The following UTRN variants were observed in gnomAD, a reference collection of about 807,000 sequenced individuals.
UTRN encodes dystrophin-related protein 1.
In UTRN, 283 loss-of-function variants were observed where a neutral mutation model predicts 463.9. The ratio of observed to expected loss-of-function variants is 0.61; its 90% CI spans 0.55 to 0.67. The LOEUF (loss-of-function observed/expected upper bound fraction) is 0.67, where lower values mean the gene tolerates loss of function less well. Among genes scored for constraint, UTRN ranks in the 30% least tolerant of loss-of-function variants. The pLI, the probability that UTRN is intolerant of heterozygous loss-of-function variation, is 0.00. For synonymous variants in UTRN, 1,442 were observed against 1,431.5 expected (o/e 1.01, Z -0.17); for missense variants, 3,922 against 4,084.3 (o/e 0.96, Z 1.08).
intron 54 of UTRN, among the ~76,000 whole-genome samples, chr6:144,742,924 A>G (rs1029522080): frequency 7.2e-5 from 11 of 152,324 alleles, no homozygotes; most frequent in Non-Finnish European, 1.2e-4. Context: ...CAAAAAAGCA[A>G]ATAGTATAAA....
intron 63 of UTRN, 33 bp downstream of exon 63, chr6:144,794,024 T>C (rs767272041): frequency 6.2e-7 from 1 of 1,608,282 alleles, no homozygotes; most frequent in South Asian, 1.1e-5. Context: ...GTGTAGGATG[T>C]GTTGGCGAAG....
intron 51 of UTRN, among the ~76,000 whole-genome samples, chr6:144,614,618 T>C (rs1181236391): frequency 6.6e-6 from 1 of 152,190 alleles, no homozygotes; most frequent in African/African-American, 2.4e-5. Flanking sequence ...AGGAGCTAGA[T>C]ATTCCCTGAA....
At chr6:144,473,015 C>G (rs1790826073) in intron 23 of UTRN, among the ~76,000 whole-genome samples, 1 of 152,074 alleles carries the variant, frequency 6.6e-6, no homozygotes, top group South Asian at 2.1e-4. Context: ...GATCCGTAGC[C>G]TGGGCCTCCT....
chr6:144,549,760 C>CAT, intron 47 of UTRN, among the ~76,000 whole-genome samples: 2 of 152,250 alleles, frequency 1.3e-5, no homozygotes, highest in East Asian at 3.9e-4. Flanking sequence ...TGAATAAAGT[C>CAT]ATGTGGTACA....
intron 57 of UTRN, 105 bp downstream of exon 57, chr6:144,754,903 G>C (rs1350869118): frequency 9.1e-7 from 1 of 1,099,864 alleles, no homozygotes; most frequent in Non-Finnish European, 1.3e-6. Context: ...TGTTTATTTA[G>C]ATAGATCCTT....
intron 61 of UTRN, among the ~76,000 whole-genome samples, chr6:144,788,934 T>A (rs543562478): frequency 5.9e-5 from 9 of 152,352 alleles, no homozygotes; most frequent in Admixed American, 5.9e-4. Context: ...TTTAGTTCGT[T>A]CTTCTTAGTT....
chr6:144,775,886 C>T (rs536816133), intron 60 of UTRN, among the ~76,000 whole-genome samples: 6 of 152,292 alleles, frequency 3.9e-5, no homozygotes, highest in African/African-American at 1.4e-4. Flanking sequence ...TCAGCTCTTC[C>T]CCTCAAACCT....
rs188329000 is a variant in UTRN, at chr6:144,387,332, G to C, written c.80-15791G>C. ...TAATTTTTGTATTTTTAGTAGAGAT[G>C]GTGTTTCACCATATTGTCCACTTCT... On this transcript the variant is annotated intron_variant, in intron 2 of 74. Coordinates refer to ENST00000367545, the MANE Select transcript of UTRN (RefSeq NM_007124.3). Among the ~76,000 whole-genome samples the C allele has an allele frequency of 3.6e-3, 553 of 152,028 alleles. 1 individual carries two copies. Among genetic ancestry groups the C allele is most frequent in the African/African-American group, 0.012 (509 of 41,466 alleles).
chr6:144,397,161 T>G (rs2114781588), intron 2 of UTRN, among the ~76,000 whole-genome samples: 1 of 152,156 alleles, frequency 6.6e-6, no homozygotes. Context: ...GGAGAACCGC[T>G]TCAACCTGGG....
At chr6:144,710,177 G>C (rs1351957409) in intron 53 of UTRN, among the ~76,000 whole-genome samples, 1 of 152,150 alleles carries the variant, frequency 6.6e-6, no homozygotes, top group Non-Finnish European at 1.5e-5. Context: ...TTAGAATAGG[G>C]ATATAAAGCA....
At chr6:144,654,119 G>A (rs572591803) in intron 51 of UTRN, among the ~76,000 whole-genome samples, 1 of 152,354 alleles carries the variant, frequency 6.6e-6, no homozygotes, top group South Asian at 2.1e-4. Context: ...AGTGGTTCAT[G>A]TGGTTAAGTA....
chr6:144,382,122 T>A (rs1284944857), intron 2 of UTRN, among the ~76,000 whole-genome samples: 4 of 152,234 alleles, frequency 2.6e-5, no homozygotes, highest in Admixed American at 6.5e-5. Flanking sequence ...GAGCTTTTTT[T>A]AATATGCTTG....
chr6:144,771,819 A>G (rs1230750899), intron 58 of UTRN, 88 bp from the exon 59 acceptor site: 1 of 1,086,918 alleles, frequency 9.2e-7, no homozygotes, highest in South Asian at 1.6e-5. Context: ...TTTGAAAAAA[A>G]TCATTTCTAC....
At chr6:144,562,276 G>A (rs1263095103) in intron 50 of UTRN, among the ~76,000 whole-genome samples, 3 of 152,014 alleles carry the variant, frequency 2.0e-5, no homozygotes, top group African/African-American at 7.2e-5. Flanking sequence ...GGTAAATGTG[G>A]TGGTTTGCTG....
intron 34 of UTRN, among the ~76,000 whole-genome samples, chr6:144,501,716 C>T (rs1225477076): frequency 6.6e-6 from 1 of 151,756 alleles, no homozygotes. Context: ...TATATTAAAC[C>T]ATATCATACA....
intron 2 of UTRN, among the ~76,000 whole-genome samples, chr6:144,296,289 A>C (rs2473135): frequency 1.3e-5 from 2 of 152,142 alleles, no homozygotes; most frequent in South Asian, 2.1e-4. Context: ...GTGAGACTCT[A>C]TGGTGAACCG....
intron 51 of UTRN, among the ~76,000 whole-genome samples, chr6:144,632,380 A>G (rs977046303): frequency 6.6e-6 from 1 of 152,210 alleles, no homozygotes; most frequent in African/African-American, 2.4e-5. Flanking sequence ...GATGGGGGAC[A>G]TCTCCTCAAA....
chr6:144,491,192 G>GGAC, intron 32 of UTRN, 90 bp downstream of exon 32: 1 of 1,264,314 alleles, frequency 7.9e-7, no homozygotes. Flanking sequence ...TGTGTCCAGT[G>GGAC]ATCACTAGTC....
In UTRN at chr6:144,828,792, TG is replaced by T; in HGVS notation, c.9604del (p.Ala3202ProfsTer41). The T allele has an allele frequency of 6.2e-7, 1 of 1,613,438 alleles. No individual in the cohort carries two copies. Among genetic ancestry groups the T allele is most frequent in the Non-Finnish European group, 8.5e-7 (1 of 1,179,558 alleles). On this transcript the variant is annotated frameshift_variant, in exon 69 of 75. Coordinates refer to ENST00000367545, the MANE Select transcript of UTRN (RefSeq NM_007124.3). LOFTEE classifies it high-confidence loss of function. ...HSRIEQYATR[L>X]AQMERTNGSF... is the part of the protein sequence containing the mutation. ...ACCTCCTTATTTTTATTTTGCAGAC[TG>T]GCCCAGATGGAAAGGACTAATGGGT...
Sources: gnomAD v4.1 joint callset for allele counts (sites outside exome capture counted in the v4.1 genomes callset) on GRCh38, gnomAD v4.1.1 for gene constraint, MANE v1.5 for transcripts, NCBI Gene and HGNC (gene_info 2026-07-23, HGNC 2026-07-21) for gene names.